Variants in GPHN observed in about 807,000 individuals in gnomAD.
GPHN encodes gephyrin.
In GPHN, 17 loss-of-function variants were observed where a neutral mutation model predicts 95.5. The observed-to-expected ratio is 0.18, with a 90% CI of 0.12 to 0.27. The LOEUF is 0.27. Among genes scored for constraint, GPHN ranks in the 10% least tolerant of loss-of-function variants. GPHN has a pLI of 1.00. For missense variants in GPHN, 660 were observed against 978.1 expected (o/e 0.67, Z 4.34); for synonymous variants, 320 against 322.5 (o/e 0.99, Z 0.08).
At chr14:66,969,184 T>C (rs1410120489) in intron 9 of GPHN, 1 of 152,194 alleles carries the variant, frequency 6.6e-6, no homozygotes, top group African/African-American at 2.4e-5. Flanking sequence ...ATATTTTCTT[T>C]TAATGAAATC....
intron 3 of GPHN, among the ~76,000 whole-genome samples, chr14:66,799,565 C>A (rs1407245481): frequency 6.6e-6 from 1 of 151,856 alleles, no homozygotes; most frequent in Non-Finnish European, 1.5e-5. Context: ...TATATAGTGA[C>A]CTTCTTTGTC....
chr14:67,248,842 T>G, the GPHN span, among the ~76,000 whole-genome samples: 25 of 150,504 alleles, frequency 1.7e-4, 1 homozygote, highest in South Asian at 5.2e-3. Flanking sequence ...TTTTTTGAGA[T>G]AGAGATGGGG....
chr14:67,271,848 G>A, the GPHN span: 1 of 152,198 alleles, frequency 6.6e-6, no homozygotes, highest in Non-Finnish European at 1.5e-5. Flanking sequence ...CGAGGCTGGT[G>A]GATCACGAGG....
the GPHN span, among the ~76,000 whole-genome samples, chr14:67,408,295 T>TAAATAAAATAAAATAAAATAAAATA: frequency 6.3e-4 from 73 of 116,724 alleles, no homozygotes; most frequent in South Asian, 3.1e-3. Context: ...TCAAAATAAA[T>TAAATAAAATAAAATAAAATAAAATA]AAATAAAATA....
At chr14:66,767,513 G>C (rs2059009058) in intron 2 of GPHN, among the ~76,000 whole-genome samples, 1 of 151,548 alleles carries the variant, frequency 6.6e-6, no homozygotes, top group Admixed American at 6.6e-5. Context: ...ATTGAGCCTA[G>C]AGAAGTAGAA....
At chr14:66,846,873 T>G (rs1207977785) in intron 4 of GPHN, among the ~76,000 whole-genome samples, 1 of 152,158 alleles carries the variant, frequency 6.6e-6, no homozygotes, top group Non-Finnish European at 1.5e-5. Flanking sequence ...GCCCCCGAAG[T>G]ACAACTCTTA....
At chr14:67,388,693 T>G in the GPHN span, among the ~76,000 whole-genome samples, 7 of 152,224 alleles carry the variant, frequency 4.6e-5, no homozygotes, top group Admixed American at 1.3e-4. Flanking sequence ...CATTTCTTTT[T>G]TTTTGAGACG....
chr14:67,236,469 T>C, the GPHN span, among the ~76,000 whole-genome samples: 1 of 152,230 alleles, frequency 6.6e-6, no homozygotes, highest in Non-Finnish European at 1.5e-5. Flanking sequence ...CTACCTTTCC[T>C]GTTCCTCTAG....
the GPHN span, among the ~76,000 whole-genome samples, chr14:67,208,932 C>G: frequency 2.0e-5 from 3 of 147,448 alleles, no homozygotes; most frequent in Admixed American, 2.0e-4. Context: ...AAAAGAAGCA[C>G]GGAAAAAGCA....
In GPHN at chr14:66,747,189, A is replaced by G. The variant is rs112142421; in HGVS notation, c.144-29275A>G. Among the ~76,000 whole-genome samples the G allele has an allele frequency of 3.7e-3, 558 of 152,236 alleles. 12 individuals carry two copies. The highest frequency in any genetic ancestry group is 0.013 in the African/African-American group (531 of 41,540). ...TTTCAGAGTTTTCAGATAAGTCTCT[A>G]GCCAGGTTTTTTAGTTGAATTAGCA... On this transcript the variant is annotated intron_variant, in intron 2 of 22. Transcript: ENST00000478722.
chr14:66,771,587 T>A (rs532263651), intron 2 of GPHN, among the ~76,000 whole-genome samples: 19 of 152,234 alleles, frequency 1.2e-4, no homozygotes, highest in African/African-American at 3.4e-4. Context: ...AATTTTTTTT[T>A]ATCATATATT....
At chr14:66,724,945 C>G (rs2071083603) in intron 2 of GPHN, among the ~76,000 whole-genome samples, 3 of 152,136 alleles carry the variant, frequency 2.0e-5, no homozygotes, top group South Asian at 4.1e-4. Flanking sequence ...TGTGTCTCCT[C>G]CAAATTTATA....
chr14:66,810,090 T>C (rs2060699660), intron 3 of GPHN, among the ~76,000 whole-genome samples: 1 of 152,002 alleles, frequency 6.6e-6, no homozygotes. Flanking sequence ...TTATATAATA[T>C]ATTTACACAG....
chr14:66,571,168 T>A (rs1005206500), intron 1 of GPHN, among the ~76,000 whole-genome samples: 2 of 151,912 alleles, frequency 1.3e-5, no homozygotes, highest in Admixed American at 1.3e-4. Flanking sequence ...TGGCAGAAGG[T>A]AAAGGGGAAG....
the GPHN span, among the ~76,000 whole-genome samples, chr14:67,524,703 G>A: frequency 6.6e-6 from 1 of 152,134 alleles, no homozygotes; most frequent in Non-Finnish European, 1.5e-5. Flanking sequence ...TTCAAGCCTT[G>A]GACAACCGCC....
At chr14:67,053,731 C>T (rs565752566) in intron 10 of GPHN, among the ~76,000 whole-genome samples, 5 of 152,194 alleles carry the variant, frequency 3.3e-5, no homozygotes, top group East Asian at 1.9e-4. Context: ...ACTGACAAAC[C>T]GAATCCAGCA....
intron 4 of GPHN, among the ~76,000 whole-genome samples, chr14:66,878,955 C>T (rs1304764499): frequency 1.3e-5 from 2 of 152,084 alleles, no homozygotes; most frequent in Non-Finnish European, 2.9e-5. Flanking sequence ...TTGGAACCAA[C>T]CCAAATGTCC....
chr14:67,665,623 C>T, the GPHN span, among the ~76,000 whole-genome samples: 2 of 152,146 alleles, frequency 1.3e-5, no homozygotes, highest in Admixed American at 1.3e-4. Context: ...ATTCTATAAT[C>T]TCAACTTGAG....
intron 1 of GPHN, among the ~76,000 whole-genome samples, chr14:66,555,420 T>A (rs2059969312): frequency 6.6e-6 from 1 of 152,174 alleles, no homozygotes; most frequent in African/African-American, 2.4e-5. Flanking sequence ...CTCACATCTA[T>A]CACAATGTGT....
Sources: gnomAD v4.1 joint callset for allele counts (sites outside exome capture counted in the v4.1 genomes callset) on GRCh38, gnomAD v4.1.1 for gene constraint, MANE v1.5 for transcripts, NCBI Gene and HGNC (gene_info 2026-07-23, HGNC 2026-07-21) for gene names.